Variants in LARP1B observed in about 807,000 individuals in gnomAD.
LARP1B encodes La ribonucleoprotein 1B.
Under a neutral mutation model 114.2 loss-of-function variants are expected in LARP1B, and 76 were observed. That is an observed-to-expected ratio of 0.67 (90% confidence interval 0.55 to 0.81). The LOEUF (loss-of-function observed/expected upper bound fraction) is 0.81, where lower values mean the gene tolerates loss of function less well. Ranked by LOEUF, LARP1B falls within the 30% of genes least tolerant of loss-of-function variation. The pLI is 0.00. For synonymous variants in LARP1B, 345 were observed against 348.0 expected (o/e 0.99, Z 0.10); for missense variants, 1,014 against 1,075.8 (o/e 0.94, Z 0.80).
intron 11 of LARP1B, among the ~76,000 whole-genome samples, chr4:128,149,547 C>G (rs183733010): frequency 6.6e-6 from 1 of 152,024 alleles, no homozygotes. Context: ...AATTGGGAAG[C>G]GATTTTAAAG....
intron 11 of LARP1B, among the ~76,000 whole-genome samples, chr4:128,144,387 C>G (rs1729413600): frequency 6.6e-6 from 1 of 152,110 alleles, no homozygotes; most frequent in Admixed American, 6.5e-5. Context: ...CAAATTTGGG[C>G]ACATTTCAGT....
At chr4:128,187,633 T>C (rs1287183310) in intron 15 of LARP1B, among the ~76,000 whole-genome samples, 1 of 152,168 alleles carries the variant, frequency 6.6e-6, no homozygotes, top group African/African-American at 2.4e-5. Flanking sequence ...GTTAAGACTT[T>C]GGGGGATTGT....
intron 11 of LARP1B, among the ~76,000 whole-genome samples, chr4:128,150,739 A>G (rs1732422132): frequency 6.6e-6 from 1 of 152,226 alleles, no homozygotes; most frequent in South Asian, 2.1e-4. Flanking sequence ...GGGAAAAAAA[A>G]ATAAATGAAG....
At chr4:128,146,486 A>G (rs942841716) in intron 11 of LARP1B, among the ~76,000 whole-genome samples, 1 of 152,224 alleles carries the variant, frequency 6.6e-6, no homozygotes, top group African/African-American at 2.4e-5. Flanking sequence ...GCCATATAAT[A>G]TATGCAGAAA....
intron 17 of LARP1B, among the ~76,000 whole-genome samples, chr4:128,203,878 A>G (rs2150921475): frequency 6.6e-6 from 1 of 152,328 alleles, no homozygotes; most frequent in African/African-American, 2.4e-5. Flanking sequence ...TGACAAGCCC[A>G]TGATTCAAAT....
At chr4:128,118,893 T>C (rs955778122) in intron 10 of LARP1B, among the ~76,000 whole-genome samples, 2 of 151,430 alleles carry the variant, frequency 1.3e-5, no homozygotes, top group Non-Finnish European at 2.9e-5. Context: ...TTTTTTTTTT[T>C]TGAGACAGAG....
At chr4:128,109,539 T>C (rs1783267757) in intron 9 of LARP1B, among the ~76,000 whole-genome samples, 1 of 152,120 alleles carries the variant, frequency 6.6e-6, no homozygotes, top group Non-Finnish European at 1.5e-5. Context: ...TTCTGAAACA[T>C]AGGTTTTGCA....
intron 5 of LARP1B, among the ~76,000 whole-genome samples, chr4:128,084,381 G>A (rs1772385812): frequency 6.6e-6 from 1 of 152,280 alleles, no homozygotes; most frequent in Non-Finnish European, 1.5e-5. Flanking sequence ...CGGCACCTCC[G>A]GGAGGCCGAG....
At chr4:128,196,599 GT>G (rs943284890) in intron 15 of LARP1B, among the ~76,000 whole-genome samples, 17 of 144,120 alleles carry the variant, frequency 1.2e-4, no homozygotes, top group South Asian at 2.3e-4. Context: ...TTTGTTTTCT[GT>G]TTTTTTTTTT....
chr4:128,129,015 A>G (rs898384900), intron 11 of LARP1B, among the ~76,000 whole-genome samples: 19 of 151,678 alleles, frequency 1.3e-4, no homozygotes, highest in African/African-American at 4.4e-4. Context: ...ATACAAAAAA[A>G]TTAGCCAGGC....
chr4:128,178,615 T>TA lies in LARP1B; in HGVS notation c.1872dup (p.Glu625ArgfsTer6). On this transcript the variant is annotated frameshift_variant, in exon 14 of 20. Coordinates refer to ENST00000326639, the MANE Select transcript of LARP1B (RefSeq NM_018078.4). LOFTEE classifies it high-confidence loss of function. ...AAACACCAAGATTTTATCCTGTTGTTAAAGAACCAAAAGCCATTGATGTAA... is the reference window on the plus strand; with the variant it reads ...AAACACCAAGATTTTATCCTGTTGTTAAAAGAACCAAAAGCCATTGATGTAA... 6.2e-7 allele frequency: 1 copy of TA among 1,614,018 alleles called. No individual in the cohort carries two copies. The highest frequency in any genetic ancestry group is 8.5e-7 in the Non-Finnish European group (1 of 1,179,940).
intron 11 of LARP1B, among the ~76,000 whole-genome samples, chr4:128,127,838 A>T (rs548505041): frequency 6.6e-6 from 1 of 152,212 alleles, no homozygotes; most frequent in African/African-American, 2.4e-5. Context: ...TCGCAAAACA[A>T]ACAAAAAACA....
At chr4:128,180,149 GCT>G (rs1747852789) in intron 15 of LARP1B, among the ~76,000 whole-genome samples, 1 of 152,040 alleles carries the variant, frequency 6.6e-6, no homozygotes, top group Non-Finnish European at 1.5e-5. Context: ...ACAGAATCTT[GCT>G]CTGTTACCTA....
At chr4:128,129,150 G>A (rs1790651442) in intron 11 of LARP1B, among the ~76,000 whole-genome samples, 1 of 116,576 alleles carries the variant, frequency 8.6e-6, no homozygotes, top group Non-Finnish European at 1.6e-5. Context: ...GGGCGACAGA[G>A]CGAGACTCTG....
rs1052910321 is a variant in LARP1B at position 128,193,719 on chromosome 4, C to T, written c.2004-5720C>T. Reference sequence around the variant, plus strand: ...GCAACCCCTGCCTCCTGGGTTCAAACGATTCTCCTGCCTCAGCCTCCTGAG... The same window carrying T: ...GCAACCCCTGCCTCCTGGGTTCAAATGATTCTCCTGCCTCAGCCTCCTGAG... On this transcript the variant is annotated intron_variant, in intron 15 of 19. Coordinates refer to ENST00000326639, the MANE Select transcript of LARP1B (RefSeq NM_018078.4). 9.2e-5 allele frequency among the ~76,000 whole-genome samples: 14 copies of T among 152,082 alleles called. No individual in the cohort carries two copies. The East Asian group carries it at 1.2e-3, about 13-fold the overall frequency.
chr4:128,108,123 C>G (rs780052101), intron 9 of LARP1B: 51 of 1,330,168 alleles, frequency 3.8e-5, no homozygotes, highest in Non-Finnish European at 4.7e-5. Flanking sequence ...AGGACTGCTA[C>G]TCTTTTTATA....
intron 17 of LARP1B, among the ~76,000 whole-genome samples, chr4:128,202,647 C>T (rs570126999): frequency 6.6e-6 from 1 of 152,290 alleles, no homozygotes; most frequent in African/African-American, 2.4e-5. Context: ...TCCATTTCCA[C>T]CCAAGTCTAG....
intron 15 of LARP1B, among the ~76,000 whole-genome samples, chr4:128,187,299 T>G (rs1750694260): frequency 6.6e-6 from 1 of 152,224 alleles, no homozygotes; most frequent in Non-Finnish European, 1.5e-5. Context: ...GGCTAAACCC[T>G]GGAAAGCCAT....
At chr4:128,071,166 C>A (rs2149348597) in intron 1 of LARP1B, among the ~76,000 whole-genome samples, 1 of 151,892 alleles carries the variant, frequency 6.6e-6, no homozygotes, top group East Asian at 1.9e-4. Context: ...CCTGCCTTAG[C>A]CTCCTGAGTA....
Sources: gnomAD v4.1 joint callset for allele counts (sites outside exome capture counted in the v4.1 genomes callset) on GRCh38, gnomAD v4.1.1 for gene constraint, MANE v1.5 for transcripts, NCBI Gene and HGNC (gene_info 2026-07-23, HGNC 2026-07-21) for gene names.